Variants in KAT8 observed in about 807,000 individuals in gnomAD.
KAT8 encodes lysine acetyltransferase 8, also known as histone acetyltransferase KAT8.
In KAT8, 40 loss-of-function variants were observed where a neutral mutation model predicts 62.9. That is an observed-to-expected ratio of 0.64 (90% confidence interval 0.49 to 0.83). The LOEUF is 0.83. Among genes scored for constraint, KAT8 ranks in the 40% least tolerant of loss-of-function variants. KAT8 has a pLI of 0.00. For missense variants in KAT8, 387 were observed against 614.8 expected (o/e 0.63, Z 3.92); for synonymous variants, 278 against 254.5 (o/e 1.09, Z -0.88).
At chr16:31,118,162 C>T (rs1346131746) in intron 1 of KAT8, 4 of 369,670 alleles carry the variant, frequency 1.1e-5, no homozygotes, top group African/African-American at 4.2e-5. Flanking sequence ...CTTCCTTGCC[C>T]AGTCTTAGGC....
intron 3 of KAT8, among the ~76,000 whole-genome samples, chr16:31,124,902 G>A (rs572318967): frequency 2.6e-5 from 4 of 151,814 alleles, no homozygotes; most frequent in African/African-American, 7.3e-5. Flanking sequence ...GCTGGTGGGC[G>A]CCTGTAATCC....
intron 9 of KAT8, 23 bp from the exon 10 acceptor site, chr16:31,130,723 T>G: frequency 6.2e-7 from 1 of 1,613,642 alleles, no homozygotes; most frequent in African/African-American, 1.3e-5. Flanking sequence ...AGGTCTGGCA[T>G]TTGCTCTCAT....
At chr16:31,120,139 T>A (rs752476882) in intron 1 of KAT8, 47 bp from the exon 2 acceptor site, 1 of 1,532,528 alleles carries the variant, frequency 6.5e-7, no homozygotes, top group Admixed American at 1.7e-5. Context: ...GGATTCCTTT[T>A]GTTCCAGCCT....
At chr16:31,126,978 G>A (rs2057535954) in intron 3 of KAT8, 57 bp from the exon 4 acceptor site, 2 of 1,594,636 alleles carry the variant, frequency 1.3e-6, no homozygotes, top group Non-Finnish European at 1.7e-6. Flanking sequence ...CCTGACGGGA[G>A]GGACAGCCTG....
In KAT8 at chr16:31,128,115, C is replaced by T. The variant is rs1474951662; in HGVS notation, c.747C>T (p.Tyr249=). ...ACCGCAAGAGCAACATCTCCGTGTA[C>T]GAAGTTGATGGCAAAGACCATAAGG... ...EIYRKSNISV[Y]EVDGKDHKIY... is the part of the protein sequence containing the mutation. The change falls in exon 6 of 11, where the codon TAC becomes TAT. Residue 249 remains tyrosine (Y), a synonymous_variant. Transcript: ENST00000219797. 20 of 1,613,840 alleles carry T rather than the reference C, an allele frequency of 1.2e-5. No individual in the cohort carries two copies. Among genetic ancestry groups the T allele is most frequent in the African/African-American group, 4.0e-5 (3 of 74,906 alleles).
At chr16:31,129,671 C>T (rs1021666650) in intron 6 of KAT8, among the ~76,000 whole-genome samples, 46 of 152,268 alleles carry the variant, frequency 3.0e-4, no homozygotes, top group Non-Finnish European at 4.0e-4. Context: ...CAGCCATGAA[C>T]AGGACGGTCT....
rs1001555310 is a variant in KAT8, at chr16:31,129,955, G to C, written c.772-62G>C. On this transcript the variant is annotated intron_variant, in intron 6 of 10. Coordinates refer to ENST00000219797, the MANE Select transcript of KAT8 (RefSeq NM_032188.3). ...TCGCGTGGGCTGGTGCCGGCCGCTG[G>C]AACCAGCTGGGTGGGGCCTGTGCCT... 9.5e-6 allele frequency: 15 copies of C among 1,586,066 alleles called. No individual in the cohort carries two copies. The East Asian group carries it at 2.2e-4, about 24-fold the overall frequency.
At chr16:31,120,536 C>G (rs116820355) in intron 3 of KAT8, 22 bp downstream of exon 3, 2 of 1,588,428 alleles carry the variant, frequency 1.3e-6, no homozygotes, top group Non-Finnish European at 1.7e-6. Context: ...TTCCCATCCA[C>G]GGGCCCAGGA....
intron 3 of KAT8, chr16:31,125,768 C>T (rs540684482): frequency 6.6e-6 from 1 of 152,358 alleles, no homozygotes; most frequent in East Asian, 1.9e-4. Context: ...CCTTGTCTGC[C>T]CTGGTGTAGG....
At chr16:31,125,536 G>A (rs1411446006) in intron 3 of KAT8, 3 of 150,430 alleles carry the variant, frequency 2.0e-5, no homozygotes, top group East Asian at 3.9e-4. Flanking sequence ...CCTGGGAGGC[G>A]GAGGTTGCAG....
chr16:31,127,675 T>A (rs2057542952), intron 5 of KAT8, among the ~76,000 whole-genome samples: 1 of 152,058 alleles, frequency 6.6e-6, no homozygotes, highest in African/African-American at 2.4e-5. Flanking sequence ...ACCTTAAGTG[T>A]GGATGAAATT....
In KAT8 at chr16:31,130,054, T is replaced by A; in HGVS notation, c.809T>A (p.Phe270Tyr). 1 of 1,614,184 alleles carries A rather than the reference T, an allele frequency of 6.2e-7. No homozygotes were observed. The highest frequency in any genetic ancestry group is 8.5e-7 in the Non-Finnish European group (1 of 1,180,038). The change falls in exon 7 of 11, where the codon TTC becomes TAC. Residue 270 changes from phenylalanine to tyrosine, a missense_variant. Around this residue, in one of 6 missense-constraint regions of KAT8, gnomAD observed 141 missense variants for 222.5 expected, o/e 0.63. Coordinates refer to ENST00000219797, the MANE Select transcript of KAT8 (RefSeq NM_032188.3). ...AACCTGTGTCTGCTGGCCAAGCTTT[T>A]CCTGGACCATAAGACACTGTACTTT... is the stretch of plus-strand genomic sequence containing the variant. ...CQNLCLLAKL[F>Y]LDHKTLYFDV...
rs565480732 is a variant in KAT8 at position 31,130,123 on chromosome 16, G to A, written c.878G>A (p.Arg293Gln). The A allele has an allele frequency of 9.9e-6, 16 of 1,613,790 alleles. No homozygotes were observed. The highest frequency in any genetic ancestry group is 6.7e-5 in the Admixed American group (4 of 59,954). ...TTTTACATCCTGACTGAGGTGGACC[G>A]GCAGGGGGCCCACATTGTTGGCTAC... ...FVFYILTEVD[R>Q]QGAHIVGYFS... is the part of the protein sequence containing the mutation. The change falls in exon 7 of 11, where the codon CGG (arginine) becomes CAG (glutamine). Residue 293 changes from arginine to glutamine, a missense_variant. Physicochemically the swap from Arg to Gln is conservative, Grantham distance 43. Around this residue, in one of 6 missense-constraint regions of KAT8, gnomAD observed 141 missense variants for 222.5 expected, o/e 0.63. Transcript: ENST00000219797.
At chr16:31,126,694 T>G in intron 3 of KAT8, 1 of 293,894 alleles carries the variant, frequency 3.4e-6, no homozygotes, top group Non-Finnish European at 6.6e-6. Context: ...GGAAGGCAAA[T>G]CTGTTATTTC....
chr16:31,127,887 G>A (rs1285884933), intron 5 of KAT8, among the ~76,000 whole-genome samples, 163 bp from the exon 6 acceptor site: 1 of 152,198 alleles, frequency 6.6e-6, no homozygotes, highest in Non-Finnish European at 1.5e-5. Context: ...TGTAAAAGCA[G>A]GATCACTTTC....
intron 5 of KAT8, among the ~76,000 whole-genome samples, chr16:31,127,593 AACTC>A (rs1180209866): frequency 6.6e-6 from 1 of 152,202 alleles, no homozygotes; most frequent in Non-Finnish European, 1.5e-5. Context: ...TGGGGACAGT[AACTC>A]ACCCCCTTCA....
intron 10 of KAT8, 88 bp downstream of exon 10, chr16:31,130,988 C>A: frequency 6.5e-7 from 1 of 1,542,548 alleles, no homozygotes; most frequent in African/African-American, 1.4e-5. Context: ...ATTGCTGTCA[C>A]ATGATCCCAA....
In KAT8 at chr16:31,120,276, C is replaced by T; in HGVS notation, c.286+16C>T. On this transcript the variant is annotated intron_variant, in intron 2 of 10. Transcript: ENST00000219797. ...TACGTGGGCTGTGAGTGGCTTGGCA[C>T]ATCTGGGCGTGGGTGCAGGGAGTTG... 2 of 1,614,116 alleles carry T rather than the reference C, an allele frequency of 1.2e-6. No individual in the cohort carries two copies. The highest frequency in any genetic ancestry group is 4.5e-5 in the East Asian group (2 of 44,888).
At chr16:31,127,425 G>A (rs1190658488) in intron 5 of KAT8, 72 bp downstream of exon 5, 3 of 1,536,944 alleles carry the variant, frequency 2.0e-6, no homozygotes, top group South Asian at 2.3e-5. Flanking sequence ...GGAGACTGAG[G>A]GCGGCTGCGC....
Sources: allele counts gnomAD v4.1 joint callset (sites outside exome capture counted in the v4.1 genomes callset), GRCh38; gene constraint gnomAD v4.1.1; regional missense constraint gnomAD v4.1.1; transcripts MANE v1.5; gene names NCBI Gene and HGNC (gene_info 2026-07-23, HGNC 2026-07-21).